The following IGF2BP1 variants were observed in gnomAD, a reference collection of about 807,000 sequenced individuals.
IGF2BP1 encodes the protein insulin-like growth factor 2 mRNA-binding protein 1.
In IGF2BP1, 11 loss-of-function variants were observed where a neutral mutation model predicts 74.9. The ratio of observed to expected loss-of-function variants is 0.15; its 90% CI spans 0.09 to 0.24. The LOEUF is 0.24. Among genes scored for constraint, IGF2BP1 ranks in the 10% least tolerant of loss-of-function variants. The pLI is 1.00. For synonymous variants in IGF2BP1, 287 were observed against 281.8 expected (o/e 1.02, Z -0.18); for missense variants, 440 against 757.4 (o/e 0.58, Z 4.92).
intron 5 of IGF2BP1, chr17:49,036,396 A>C (rs1351824780): frequency 6.6e-6 from 1 of 152,096 alleles, no homozygotes; most frequent in Non-Finnish European, 1.5e-5. Context: ...AACGGTACAG[A>C]GATTAGCATG....
At chr17:49,035,815 C>T (rs1390786983) in intron 5 of IGF2BP1, among the ~76,000 whole-genome samples, 1 of 152,206 alleles carries the variant, frequency 6.6e-6, no homozygotes, top group African/African-American at 2.4e-5. Flanking sequence ...TAGTCAGATT[C>T]CAGCCGGGAT....
At chr17:49,021,118 G>A (rs974968591) in intron 2 of IGF2BP1, among the ~76,000 whole-genome samples, 4 of 151,856 alleles carry the variant, frequency 2.6e-5, no homozygotes, top group Non-Finnish European at 5.9e-5. Context: ...ACTCCAGCCT[G>A]GATGACAGAG....
chr17:49,001,623 G>A (rs2041489228), intron 2 of IGF2BP1, among the ~76,000 whole-genome samples: 1 of 152,146 alleles, frequency 6.6e-6, no homozygotes, highest in Admixed American at 6.5e-5. Flanking sequence ...GAAAACAGCA[G>A]TTAGCTTGAA....
chr17:49,040,832 T>C (rs999514584), intron 7 of IGF2BP1, among the ~76,000 whole-genome samples: 2 of 152,254 alleles, frequency 1.3e-5, no homozygotes, highest in African/African-American at 4.8e-5. Flanking sequence ...TTAAATTGTT[T>C]TAAACTTTTC....
rs917170467 is a variant in IGF2BP1, at chr17:49,055,292, G to C, written c.*5848G>C. On this transcript the variant is annotated 3_prime_UTR_variant, in exon 15 of 15. Coordinates refer to ENST00000290341, the MANE Select transcript of IGF2BP1 (RefSeq NM_006546.4). ...TTTCTTCACTTGTTTAAGATAACGT[G>C]CTAGCTATTCCAACAGGTAACAGCT... 1 of 219,296 alleles carries C rather than the reference G, an allele frequency of 4.6e-6. No homozygotes were observed. Among genetic ancestry groups the C allele is most frequent in the African/African-American group, 2.3e-5 (1 of 43,896 alleles). 13.6% of individuals were successfully genotyped at this position (219,296 alleles called of 1,614,324 possible).
chr17:49,044,336 T>C (rs2042086507), intron 11 of IGF2BP1, among the ~76,000 whole-genome samples: 2 of 152,308 alleles, frequency 1.3e-5, no homozygotes, highest in South Asian at 4.1e-4. Context: ...ACTTAGGTTC[T>C]AACACAAACT....
chr17:48,999,961 T>TGTGTGTGTGTTC (rs1046137709), intron 2 of IGF2BP1, among the ~76,000 whole-genome samples: 1 of 150,106 alleles, frequency 6.7e-6, no homozygotes, highest in South Asian at 2.1e-4. Context: ...TGTGTGTGTG[T>TGTGTGTGTGTTC]GTTCGTGTGT....
intron 5 of IGF2BP1, among the ~76,000 whole-genome samples, chr17:49,035,573 C>T (rs947618059): frequency 3.3e-5 from 5 of 152,192 alleles, no homozygotes; most frequent in African/African-American, 1.2e-4. Context: ...ACCTCGCAGT[C>T]TCCCCACACA....
At position 49,055,671 on chromosome 17, in the gene IGF2BP1, G is replaced by C. The variant is rs192180522; in HGVS notation, c.*6227G>C. 2.5e-6 allele frequency: 1 copy of C among 398,476 alleles called. No individual in the cohort carries two copies. The highest frequency in any genetic ancestry group is 4.4e-5 in the Admixed American group (1 of 22,718). The allele number at this position is 398,476 out of a possible 1,614,324, so 24.7% of individuals were successfully genotyped here. A position where few individuals can be genotyped will look rare whatever the true frequency, so the allele number is the denominator to read the frequency against. ...CCATTTGGAGTCTCCCTTTTCTCCA[G>C]GATCTTGATCCTGGTCCCCAAAACC... On this transcript the variant is annotated 3_prime_UTR_variant, in exon 15 of 15. Coordinates refer to ENST00000290341, the MANE Select transcript of IGF2BP1 (RefSeq NM_006546.4).
At chr17:49,003,348 CTAT>C (rs1370626518) in intron 2 of IGF2BP1, among the ~76,000 whole-genome samples, 1 of 152,056 alleles carries the variant, frequency 6.6e-6, no homozygotes, top group African/African-American at 2.4e-5. Flanking sequence ...GACAAAGATA[CTAT>C]TGAGGTAGTC....
chr17:49,054,413 T>C lies in IGF2BP1; in HGVS notation c.*4969T>C, dbSNP rs1292789738. 1.3e-5 allele frequency: 2 copies of C among 152,680 alleles called. No individual in the cohort carries two copies. Among genetic ancestry groups the C allele is most frequent in the Admixed American group, 1.3e-4 (2 of 15,288 alleles). The allele number at this position is 152,680 out of a possible 1,614,324, so 9.5% of individuals were successfully genotyped here. Reference sequence around the variant, plus strand: ...GATTGGAACTAAGGGCAGGGACTCATGCATAAGGGTATGAATCCCAGCCAG... The same window carrying C: ...GATTGGAACTAAGGGCAGGGACTCACGCATAAGGGTATGAATCCCAGCCAG... On this transcript the variant is annotated 3_prime_UTR_variant, in exon 15 of 15. Transcript: ENST00000290341.
chr17:49,018,079 A>G (rs2041731176), intron 2 of IGF2BP1: 2 of 152,268 alleles, frequency 1.3e-5, no homozygotes, highest in South Asian at 4.1e-4. Flanking sequence ...TTAAAGTTAC[A>G]AAATTAAAAA....
At position 49,038,222 on chromosome 17, in the gene IGF2BP1, C is replaced by G. The variant is rs1167092402; in HGVS notation, c.456C>G (p.Ser152=). 3 of 1,562,468 alleles carry G rather than the reference C, an allele frequency of 1.9e-6. No homozygotes were observed. Among genetic ancestry groups the G allele is most frequent in the Admixed American group, 1.9e-5 (1 of 52,536 alleles). Residue 152 remains serine (S), a synonymous_variant, in exon 6 of 15, where the codon TCC becomes TCG. Coordinates refer to ENST00000290341, the MANE Select transcript of IGF2BP1 (RefSeq NM_006546.4). ...TGGAGAACCATGCCCTGAAGGTCTCCTACATCCCCGATGAGCAGATAGCAC... is the reference window on the plus strand; with the variant it reads ...TGGAGAACCATGCCCTGAAGGTCTCGTACATCCCCGATGAGCAGATAGCAC... ...HQLENHALKV[S]YIPDEQIAQG...
rs778351368 is a variant in IGF2BP1, at chr17:49,054,293, TAGC to T, written c.*4852_*4854del. 8 of 152,580 alleles carry T rather than the reference TAGC, an allele frequency of 5.2e-5. No individual in the cohort carries two copies. Among genetic ancestry groups the T allele is most frequent in the Non-Finnish European group, 1.2e-4 (8 of 68,030 alleles). The allele number at this position is 152,580 out of a possible 1,614,324, so 9.5% of individuals were successfully genotyped here. A position where few individuals can be genotyped will look rare whatever the true frequency, so the allele number is the denominator to read the frequency against. ...AAAAAATTTTTTTTCTTGAATGAAATAGCAGGAAGCTCCTCGGGAGCATGTGTT... is the reference window on the plus strand; with the variant it reads ...AAAAAATTTTTTTTCTTGAATGAAATAGGAAGCTCCTCGGGAGCATGTGTT... On this transcript the variant is annotated 3_prime_UTR_variant, in exon 15 of 15. Transcript: ENST00000290341.
intron 14 of IGF2BP1, among the ~76,000 whole-genome samples, chr17:49,048,903 C>T (rs2042135631): frequency 6.6e-6 from 1 of 152,076 alleles, no homozygotes; most frequent in Non-Finnish European, 1.5e-5. Context: ...CCACCCCCAC[C>T]TCCATCCGTG....
chr17:49,044,945 G>A (rs754626339), intron 11 of IGF2BP1, 46 bp from the exon 12 acceptor site: 1 of 1,499,556 alleles, frequency 6.7e-7, no homozygotes, highest in South Asian at 1.1e-5. Flanking sequence ...CATGGTGGGG[G>A]TCTTCCCATA....
intron 2 of IGF2BP1, among the ~76,000 whole-genome samples, chr17:49,015,968 C>G (rs1412080649): frequency 6.6e-6 from 1 of 152,200 alleles, no homozygotes; most frequent in Non-Finnish European, 1.5e-5. Flanking sequence ...CCCTTTCACC[C>G]CACTAACAAA....
chr17:49,007,286 T>A (rs1443871452), intron 2 of IGF2BP1, among the ~76,000 whole-genome samples: 1 of 152,152 alleles, frequency 6.6e-6, no homozygotes, highest in Admixed American at 6.6e-5. Context: ...GTTCCCTACT[T>A]CTTCTGCTTC....
At chr17:49,019,077 C>G (rs1266175943) in intron 2 of IGF2BP1, among the ~76,000 whole-genome samples, 4 of 152,126 alleles carry the variant, frequency 2.6e-5, no homozygotes, top group Non-Finnish European at 4.4e-5. Context: ...AAAGGCAGTC[C>G]TCCCTCTAGG....
Sources: gnomAD v4.1 joint callset for allele counts (sites outside exome capture counted in the v4.1 genomes callset) on GRCh38, gnomAD v4.1.1 for gene constraint, MANE v1.5 for transcripts, NCBI Gene and HGNC (gene_info 2026-07-23, HGNC 2026-07-21) for gene names.